The following PRKG1 variants were observed in gnomAD, a reference collection of about 807,000 sequenced individuals.
PRKG1 encodes the protein protein kinase cGMP-dependent 1, also known as cGMP-dependent protein kinase 1.
PRKG1 carries 35 observed loss-of-function variants against 88.1 expected under a neutral mutation model. That is an observed-to-expected ratio of 0.40 (90% CI 0.30 to 0.53). The LOEUF (loss-of-function observed/expected upper bound fraction) is 0.53, where lower values mean the gene tolerates loss of function less well. PRKG1 is among the 20% of genes least tolerant of loss of function. PRKG1 has a pLI of 0.59. For synonymous variants in PRKG1, 303 were observed against 292.5 expected, an observed-to-expected ratio of 1.04 and a Z score of -0.37; for missense variants, 540 against 839.8, an observed-to-expected ratio of 0.64 and a Z score of 4.41.
chr10:52,288,690 A>C, intron 14 of PRKG1, 36 bp from the exon 15 acceptor site: 1 of 1,540,772 alleles, frequency 6.5e-7, no homozygotes, highest in Non-Finnish European at 8.7e-7. Context: ...TAGAAAATAA[A>C]AGTAATATCT....
intron 8 of PRKG1, among the ~76,000 whole-genome samples, chr10:52,136,549 G>A (rs1456595060): frequency 2.6e-5 from 4 of 151,994 alleles, no homozygotes; most frequent in African/African-American, 9.7e-5. Context: ...GTGAATGGAT[G>A]TGGTCAAAGC....
At chr10:52,083,448 C>A (rs889543600) in intron 7 of PRKG1, among the ~76,000 whole-genome samples, 8 of 151,860 alleles carry the variant, frequency 5.3e-5, no homozygotes, top group African/African-American at 1.9e-4. Flanking sequence ...CATAACAAAA[C>A]AAAAAATTAT....
Position 50,991,229 on chromosome 10 carries a change from T to A in PRKG1, c.-150T>A. ...AAGCAGGAGGCTCCCCGCGCCGCATTAGGGGCGCACTCCGCCGCGCTCGAG... is the reference window on the plus strand; with the variant it reads ...AAGCAGGAGGCTCCCCGCGCCGCATAAGGGGCGCACTCCGCCGCGCTCGAG... On this transcript the variant is annotated 5_prime_UTR_variant, in exon 1 of 18. Transcript: ENST00000401604. This position sits in a 1 kb window ranked among gnomAD's most constrained non-coding sequence, Gnocchi z 4.5. The A allele has an allele frequency of 8.5e-7, 1 of 1,171,596 alleles. No homozygotes were observed. The highest frequency in any genetic ancestry group is 1.2e-6 in the Non-Finnish European group (1 of 865,584). 72.6% of individuals were successfully genotyped at this position (1,171,596 alleles called of 1,614,324 possible).
chr10:51,006,847 GCTT>G (rs1842945527), intron 1 of PRKG1, among the ~76,000 whole-genome samples: 1 of 151,958 alleles, frequency 6.6e-6, no homozygotes, highest in Non-Finnish European at 1.5e-5. Flanking sequence ...TAAACCAAGG[GCTT>G]CTCAAACTCT....
Position 51,596,196 on chromosome 10 carries a change from T to G in PRKG1, c.592+128360T>G, listed in dbSNP as rs1260418329. On this transcript the variant is annotated intron_variant, in intron 3 of 17. Coordinates refer to ENST00000373980, the MANE Select transcript of PRKG1 (RefSeq NM_006258.4). ...ATAAGATCTTCAAAAACCAGAACTA[T>G]GTATCTTTTTGCTGAATATTTTATT... Among the ~76,000 whole-genome samples, 9 of 152,170 alleles carry G rather than the reference T, an allele frequency of 5.9e-5. No homozygotes were observed. The East Asian group carries it at 1.7e-3, about 29-fold the overall frequency.
chr10:51,795,336 TC>T (rs573920778), intron 3 of PRKG1, among the ~76,000 whole-genome samples: 245 of 152,258 alleles, frequency 1.6e-3, no homozygotes, highest in African/African-American at 5.6e-3. Flanking sequence ...TAATAATGAT[TC>T]TTATCTGCAG....
intron 9 of PRKG1, among the ~76,000 whole-genome samples, chr10:52,210,498 T>C (rs1289582924): frequency 6.6e-6 from 1 of 152,190 alleles, no homozygotes; most frequent in Non-Finnish European, 1.5e-5. Flanking sequence ...CTCGTTTCTT[T>C]TATAACAATT....
chr10:51,694,002 T>C (rs1247017438), intron 3 of PRKG1, among the ~76,000 whole-genome samples: 2 of 152,162 alleles, frequency 1.3e-5, no homozygotes, highest in Admixed American at 1.3e-4. Flanking sequence ...TTAAAATTTA[T>C]ATTTATGGAT....
chr10:51,058,996 A>C (rs1419624288), intron 1 of PRKG1, among the ~76,000 whole-genome samples: 1 of 152,198 alleles, frequency 6.6e-6, no homozygotes, highest in East Asian at 1.9e-4. Flanking sequence ...ATTGTAATCT[A>C]TTGAACCATT....
chr10:52,029,938 G>A (rs1381417215), intron 5 of PRKG1, among the ~76,000 whole-genome samples: 1 of 152,014 alleles, frequency 6.6e-6, no homozygotes, highest in Non-Finnish European at 1.5e-5. Flanking sequence ...ATCATCTACT[G>A]AACCCCATCC....
At chr10:51,734,605 T>A (rs1186983834) in intron 3 of PRKG1, among the ~76,000 whole-genome samples, 1 of 152,182 alleles carries the variant, frequency 6.6e-6, no homozygotes, top group African/African-American at 2.4e-5. Context: ...TCCTTCTTAG[T>A]TGAGGGATCG....
chr10:51,170,024 G>A (rs1416770574), intron 2 of PRKG1, among the ~76,000 whole-genome samples: 1 of 151,964 alleles, frequency 6.6e-6, no homozygotes, highest in African/African-American at 2.4e-5. Flanking sequence ...TGATGTAGAA[G>A]TTGGCTCTTC....
intron 5 of PRKG1, among the ~76,000 whole-genome samples, chr10:52,053,709 A>T (rs543446337): frequency 1.1e-3 from 172 of 152,242 alleles, no homozygotes; most frequent in Non-Finnish European, 1.9e-3. Context: ...CAGAATACTG[A>T]TATACTGACT....
intron 5 of PRKG1, among the ~76,000 whole-genome samples, chr10:51,925,150 T>C (rs1244170391): frequency 2.0e-5 from 3 of 151,984 alleles, no homozygotes; most frequent in Non-Finnish European, 4.4e-5. Context: ...AATTTGGGTA[T>C]GATGTTTTGA....
intron 3 of PRKG1, among the ~76,000 whole-genome samples, chr10:51,669,633 A>G (rs1287079285): frequency 6.6e-6 from 1 of 152,204 alleles, no homozygotes; most frequent in African/African-American, 2.4e-5. Context: ...TTCAGTTAAA[A>G]TCTCAGTAAA....
chr10:51,909,941 C>T lies in PRKG1; in HGVS notation c.762+2371C>T, dbSNP rs556369756. On this transcript the variant is annotated intron_variant, in intron 5 of 17. Coordinates refer to ENST00000373980, the MANE Select transcript of PRKG1 (RefSeq NM_006258.4). ...CACACATAAGCCCCTTGAGTAAGCACAAGAGAATAGGCGCTGTAGTGCCTC... is the reference window on the plus strand; with the variant it reads ...CACACATAAGCCCCTTGAGTAAGCATAAGAGAATAGGCGCTGTAGTGCCTC... The T allele has an allele frequency of 7.2e-5, 11 of 152,274 alleles. No individual in the cohort carries two copies. In the South Asian group the frequency reaches 1.0e-3, roughly 14 times the overall value. 9.4% of individuals were successfully genotyped at this position (152,274 alleles called of 1,614,324 possible).
chr10:51,056,484 A>G (rs1013663302), intron 1 of PRKG1, among the ~76,000 whole-genome samples: 1 of 152,230 alleles, frequency 6.6e-6, no homozygotes, highest in East Asian at 1.9e-4. Flanking sequence ...TTATGTTTTC[A>G]GCAGTTATCT....
intron 7 of PRKG1, among the ~76,000 whole-genome samples, chr10:52,130,266 A>AT (rs1255213900): frequency 6.6e-6 from 1 of 152,052 alleles, no homozygotes; most frequent in East Asian, 1.9e-4. Context: ...AAAATTTTCT[A>AT]TTTCTGTTAA....
At chr10:51,780,089 A>G (rs1350051597) in intron 3 of PRKG1, among the ~76,000 whole-genome samples, 1 of 152,106 alleles carries the variant, frequency 6.6e-6, no homozygotes, top group Non-Finnish European at 1.5e-5. Context: ...TTAGTTACAA[A>G]GGAGTAGAAA....
Sources: allele counts gnomAD v4.1 joint callset (sites outside exome capture counted in the v4.1 genomes callset), GRCh38; gene constraint gnomAD v4.1.1; non-coding constraint Gnocchi (gnomAD v3.1); transcripts MANE v1.5; gene names NCBI Gene and HGNC (gene_info 2026-07-23, HGNC 2026-07-21).